The following MBD5 variants were observed in gnomAD, a reference collection of about 807,000 sequenced individuals.
MBD5 encodes methyl-CpG binding domain protein 5, also known as methyl-CpG-binding domain protein 5.
A neutral mutation model predicts 117.3 loss-of-function variants in MBD5; 13 were observed. That is an observed-to-expected ratio of 0.11 (90% confidence interval 0.07 to 0.18). The LOEUF is 0.18. MBD5 is among the 10% of genes least tolerant of loss of function. The pLI, the probability that MBD5 is intolerant of heterozygous loss-of-function variation, is 1.00. For missense variants in MBD5, 1,879 were observed against 2,093.8 expected (o/e 0.90, Z 2.00); for synonymous variants, 727 against 766.4 (o/e 0.95, Z 0.85).
chr2:148,213,863 A>G (rs1462639915), intron 2 of MBD5, among the ~76,000 whole-genome samples: 2 of 152,070 alleles, frequency 1.3e-5, no homozygotes, highest in Admixed American at 1.3e-4. Context: ...GTCTTTAGCC[A>G]GCAATCTGTG....
At chr2:148,266,948 T>A (rs1700873684) in intron 3 of MBD5, among the ~76,000 whole-genome samples, 1 of 152,144 alleles carries the variant, frequency 6.6e-6, no homozygotes. Context: ...GAACAGATAC[T>A]TATTAAGTGA....
intron 4 of MBD5, among the ~76,000 whole-genome samples, chr2:148,447,214 A>AGG: frequency 4.5e-5 from 1 of 22,236 alleles, no homozygotes; most frequent in African/African-American, 6.4e-5. Flanking sequence ...AAAGAAAGAA[A>AGG]GAAAGAAAGA....
At chr2:148,427,651 A>C (rs181348600) in intron 4 of MBD5, among the ~76,000 whole-genome samples, 1 of 150,710 alleles carries the variant, frequency 6.6e-6, no homozygotes. Flanking sequence ...GGATGGGGGC[A>C]GGGGGGAGGG....
At chr2:148,239,247 TG>T (rs1281702101) in intron 3 of MBD5, among the ~76,000 whole-genome samples, 1 of 152,166 alleles carries the variant, frequency 6.6e-6, no homozygotes, top group Admixed American at 6.6e-5. Flanking sequence ...CACCATTTCT[TG>T]GACATCGACA....
At chr2:148,497,908 C>T (rs1182497046) in intron 11 of MBD5, among the ~76,000 whole-genome samples, 5 of 152,048 alleles carry the variant, frequency 3.3e-5, no homozygotes, top group Non-Finnish European at 5.9e-5. Flanking sequence ...CCTTCATGTT[C>T]GTGGTCATTT....
chr2:148,294,523 A>G (rs1331123762), intron 3 of MBD5, among the ~76,000 whole-genome samples: 1 of 40,938 alleles, frequency 2.4e-5, no homozygotes, highest in Non-Finnish European at 5.1e-5. Context: ...TTTTTTTTTG[A>G]GATAGAGCTG....
At chr2:148,153,127 C>A (rs1697739014) in intron 1 of MBD5, among the ~76,000 whole-genome samples, 2 of 151,586 alleles carry the variant, frequency 1.3e-5, no homozygotes, top group Admixed American at 6.6e-5. Flanking sequence ...TCTTTTAGGG[C>A]AGGCCTGGTG....
intron 1 of MBD5, among the ~76,000 whole-genome samples, chr2:148,146,372 A>G (rs1697464212): frequency 6.6e-6 from 1 of 151,938 alleles, no homozygotes; most frequent in Non-Finnish European, 1.5e-5. Context: ...GATCCTCTCT[A>G]TAGGTGTGCA....
chr2:148,308,573 G>A (rs944561542), intron 3 of MBD5, among the ~76,000 whole-genome samples: 1 of 143,704 alleles, frequency 7.0e-6, no homozygotes, highest in African/African-American at 2.6e-5. Flanking sequence ...CAGGTGAATA[G>A]GTTGCAAACA....
At chr2:148,238,632 C>T (rs1288322778) in intron 3 of MBD5, among the ~76,000 whole-genome samples, 1 of 152,190 alleles carries the variant, frequency 6.6e-6, no homozygotes, top group Non-Finnish European at 1.5e-5. Context: ...TTTATTCTCT[C>T]ACAGTTCTGG....
At chr2:148,494,314 G>A (rs1479049086) in intron 11 of MBD5, among the ~76,000 whole-genome samples, 1 of 152,136 alleles carries the variant, frequency 6.6e-6, no homozygotes, top group Non-Finnish European at 1.5e-5. Flanking sequence ...CTGATTATAA[G>A]CTAGTGTTAG....
intron 1 of MBD5, among the ~76,000 whole-genome samples, chr2:148,092,294 C>T (rs570402407): frequency 2.3e-4 from 35 of 152,262 alleles, no homozygotes; most frequent in Non-Finnish European, 4.3e-4. Context: ...CCATTTGACC[C>T]GGCAATCCCA....
intron 3 of MBD5, among the ~76,000 whole-genome samples, chr2:148,265,731 G>T (rs1700841019): frequency 6.6e-6 from 1 of 151,988 alleles, no homozygotes; most frequent in Non-Finnish European, 1.5e-5. Flanking sequence ...GATATTACAA[G>T]TTTTTGTGTT....
In MBD5 at chr2:148,243,319, A is replaced by G. The variant is rs1241509626; in HGVS notation, c.-680+9924A>G. On this transcript the variant is annotated intron_variant, in intron 3 of 13. Transcript: ENST00000642680. ...GTAATCATAATAGTAGCTCTGAGAA[A>G]TATAGAAAAATTATTGTTATACTTT... 6.6e-5 allele frequency among the ~76,000 whole-genome samples: 9 copies of G among 136,910 alleles called. 1 individual carries two copies. In the Admixed American group the frequency reaches 7.0e-4, roughly 11 times the overall value. The allele number at this position is 136,910 out of a possible 152,430, so 89.8% of individuals were successfully genotyped here.
intron 1 of MBD5, among the ~76,000 whole-genome samples, chr2:148,079,400 A>C (rs1430865550): frequency 6.6e-6 from 1 of 152,204 alleles, no homozygotes; most frequent in Non-Finnish European, 1.5e-5. Flanking sequence ...AGTTTTGATA[A>C]TACAAACTAG....
intron 1 of MBD5, among the ~76,000 whole-genome samples, chr2:148,090,777 C>G (rs921024002): frequency 6.6e-6 from 1 of 152,094 alleles, no homozygotes; most frequent in African/African-American, 2.4e-5. Flanking sequence ...TTCCTGACAA[C>G]TGGAACAAGA....
At chr2:148,239,608 G>A (rs569758234) in intron 3 of MBD5, among the ~76,000 whole-genome samples, 1 of 151,368 alleles carries the variant, frequency 6.6e-6, no homozygotes, top group African/African-American at 2.4e-5. Flanking sequence ...TATTGATAAT[G>A]TTTATGGGTT....
intron 11 of MBD5, among the ~76,000 whole-genome samples, chr2:148,497,371 T>A (rs1270894084): frequency 3.3e-5 from 5 of 152,102 alleles, no homozygotes; most frequent in African/African-American, 1.2e-4. Flanking sequence ...TGTAAACTTA[T>A]ATGAATAATA....
At chr2:148,331,268 A>G (rs1337993924) in intron 3 of MBD5, among the ~76,000 whole-genome samples, 1 of 152,174 alleles carries the variant, frequency 6.6e-6, no homozygotes, top group African/African-American at 2.4e-5. Context: ...GTTACACATC[A>G]AATTATTTAA....
Sources: allele counts gnomAD v4.1 joint callset (sites outside exome capture counted in the v4.1 genomes callset), GRCh38; gene constraint gnomAD v4.1.1; transcripts MANE v1.5; gene names NCBI Gene and HGNC (gene_info 2026-07-23, HGNC 2026-07-21).